The following DLGAP2 variants were observed in gnomAD, a reference collection of about 807,000 sequenced individuals.
DLGAP2 encodes DLG associated protein 2.
In DLGAP2, 26 loss-of-function variants were observed where a neutral mutation model predicts 100.3. The observed-to-expected ratio is 0.26, with a 90% confidence interval of 0.19 to 0.36. The LOEUF is 0.36. Among genes scored for constraint, DLGAP2 ranks in the 10% least tolerant of loss-of-function variants. The pLI is 1.00. For missense variants in DLGAP2, 1,858 were observed against 1,453.2 expected (o/e 1.28, Z -4.53); for synonymous variants, 886 against 630.1 (o/e 1.41, Z -6.08).
intron 2 of DLGAP2, among the ~76,000 whole-genome samples, chr8:1,243,757 G>A (rs1349963005): frequency 6.6e-6 from 1 of 152,104 alleles, no homozygotes; most frequent in African/African-American, 2.4e-5. Flanking sequence ...TCTCGCCTCT[G>A]CTGTCTCTTC....
At chr8:767,348 G>GTTTTTTTT (rs35944301) in intron 1 of DLGAP2, among the ~76,000 whole-genome samples, 2 of 117,932 alleles carry the variant, frequency 1.7e-5, no homozygotes, top group Non-Finnish European at 3.4e-5. Flanking sequence ...GCTGTTGACT[G>GTTTTTTTT]TTTTTTTTTT....
rs540392619 is a variant in DLGAP2, at chr8:818,807, A to T, written c.18+80982A>T. 3.3e-5 allele frequency among the ~76,000 whole-genome samples: 5 copies of T among 152,352 alleles called. No individual in the cohort carries two copies. In the South Asian group the frequency reaches 1.0e-3, roughly 32 times the overall value. ...ATCATAAAGTTAGAAGAAATAGAAG[A>T]TGATCTGTAGAAATTTTTGCTGAGA... On this transcript the variant is annotated intron_variant, in intron 1 of 14. Transcript: ENST00000637795.
intron 3 of DLGAP2, among the ~76,000 whole-genome samples, chr8:1,275,960 TATATA>T (rs1230004032): frequency 1.6e-5 from 2 of 127,412 alleles, no homozygotes; most frequent in East Asian, 4.1e-4. Flanking sequence ...TATAAATAAA[TATATA>T]ATATATATAA....
intron 6 of DLGAP2, among the ~76,000 whole-genome samples, chr8:1,619,219 A>C (rs1031775784): frequency 9.9e-5 from 15 of 152,194 alleles, no homozygotes; most frequent in Non-Finnish European, 1.6e-4. Flanking sequence ...AAGATACACA[A>C]ATGTCCAATA....
chr8:943,876 A>G (rs1308909034), intron 2 of DLGAP2, among the ~76,000 whole-genome samples: 5 of 152,284 alleles, frequency 3.3e-5, no homozygotes. Flanking sequence ...TGTGTGCTTA[A>G]ATTTCTCATC....
At chr8:1,662,247 C>T (rs985719105) in intron 8 of DLGAP2, among the ~76,000 whole-genome samples, 1 of 152,236 alleles carries the variant, frequency 6.6e-6, no homozygotes, top group Non-Finnish European at 1.5e-5. Context: ...AAGCCCATTT[C>T]ATATAATCTC....
chr8:1,457,744 C>A (rs1798354482), intron 3 of DLGAP2, among the ~76,000 whole-genome samples: 1 of 151,894 alleles, frequency 6.6e-6, no homozygotes, highest in Non-Finnish European at 1.5e-5. Context: ...CCACACACCT[C>A]CCCCGTCCCA....
At chr8:1,231,826 G>A (rs1798541889) in intron 2 of DLGAP2, among the ~76,000 whole-genome samples, 1 of 152,150 alleles carries the variant, frequency 6.6e-6, no homozygotes, top group African/African-American at 2.4e-5. Flanking sequence ...AGGGCGGGAG[G>A]AAGTGTTGGA....
chr8:1,004,879 G>A (rs1004583201), intron 2 of DLGAP2, among the ~76,000 whole-genome samples: 7 of 152,208 alleles, frequency 4.6e-5, no homozygotes, highest in African/African-American at 1.7e-4. Flanking sequence ...AAATGAAAAT[G>A]TGATGCAGTG....
At chr8:1,260,303 C>T (rs1421326793) in intron 3 of DLGAP2, among the ~76,000 whole-genome samples, 1 of 152,006 alleles carries the variant, frequency 6.6e-6, no homozygotes, top group African/African-American at 2.4e-5. Flanking sequence ...CTCTTTCCCC[C>T]AACCCCTCAC....
intron 3 of DLGAP2, among the ~76,000 whole-genome samples, chr8:1,348,339 C>G (rs893995492): frequency 6.7e-6 from 1 of 150,252 alleles, no homozygotes; most frequent in Non-Finnish European, 1.5e-5. Flanking sequence ...GATTGAGTTC[C>G]TACACAGAGC....
intron 3 of DLGAP2, among the ~76,000 whole-genome samples, chr8:1,261,057 G>A (rs1799337918): frequency 6.6e-6 from 1 of 152,248 alleles, no homozygotes; most frequent in Non-Finnish European, 1.5e-5. Context: ...GCTCTAGAAG[G>A]CAGGTCAGCT....
At position 1,549,456 on chromosome 8, in the gene DLGAP2, T is replaced by G; in HGVS notation, c.1003T>G (p.Phe335Val). Residue 335 changes from phenylalanine to valine, a missense_variant, in exon 5 of 15, where the codon TTC becomes GTC. By Grantham distance (50) the Phe-to-Val change is conservative. Coordinates refer to ENST00000637795, the MANE Select transcript of DLGAP2 (RefSeq NM_001346810.2). ...HCYPDALQSP[F>V]GDLSLKTSKS... ...CTACCCCGACGCGCTGCAGAGCCCC[T>G]TCGGGGACCTGTCCCTCAAGACCTC... is the stretch of plus-strand genomic sequence containing the variant. 6.2e-7 allele frequency: 1 copy of G among 1,613,430 alleles called. No homozygotes were observed. Among genetic ancestry groups the G allele is most frequent in the Non-Finnish European group, 8.5e-7 (1 of 1,179,768 alleles).
intron 3 of DLGAP2, among the ~76,000 whole-genome samples, chr8:1,475,999 G>T (rs1358039829): frequency 6.6e-6 from 1 of 152,136 alleles, no homozygotes; most frequent in African/African-American, 2.4e-5. Context: ...AGGCAGAGCT[G>T]GCCAACACTC....
intron 3 of DLGAP2, among the ~76,000 whole-genome samples, chr8:1,259,352 C>G (rs183167919): frequency 6.6e-5 from 10 of 152,306 alleles, no homozygotes; most frequent in Admixed American, 1.3e-4. Context: ...ACTTTCTACG[C>G]AAGTCTCCTG....
intron 6 of DLGAP2, among the ~76,000 whole-genome samples, chr8:1,617,525 C>A (rs571807876): frequency 1.3e-5 from 2 of 152,166 alleles, no homozygotes; most frequent in Admixed American, 6.5e-5. Context: ...TGTATGTCTT[C>A]GTTTGAAAAG....
At chr8:1,065,490 C>T (rs985564405) in intron 2 of DLGAP2, among the ~76,000 whole-genome samples, 1 of 152,230 alleles carries the variant, frequency 6.6e-6, no homozygotes, top group African/African-American at 2.4e-5. Context: ...TATCACACAA[C>T]ACGGAGCGTT....
At chr8:1,588,461 C>G (rs1444496727) in intron 6 of DLGAP2, among the ~76,000 whole-genome samples, 2 of 152,174 alleles carry the variant, frequency 1.3e-5, no homozygotes, top group Admixed American at 6.5e-5. Flanking sequence ...ACAATGTGTT[C>G]TATGAGTTCA....
At chr8:738,327 C>T (rs1235195036) in intron 1 of DLGAP2, among the ~76,000 whole-genome samples, 1 of 148,954 alleles carries the variant, frequency 6.7e-6, no homozygotes, top group Admixed American at 6.7e-5. Flanking sequence ...CTGGGCTGCG[C>T]GCACGGGGGC....
Sources: gnomAD v4.1 joint callset for allele counts (sites outside exome capture counted in the v4.1 genomes callset) on GRCh38, gnomAD v4.1.1 for gene constraint, MANE v1.5 for transcripts, NCBI Gene and HGNC (gene_info 2026-07-23, HGNC 2026-07-21) for gene names.